The following KIF1C variants were observed in gnomAD, a reference collection of about 807,000 sequenced individuals.
KIF1C encodes kinesin-like protein KIF1C.
Under a neutral mutation model 126.5 loss-of-function variants are expected in KIF1C, and 61 were observed. The ratio of observed to expected loss-of-function variants is 0.48; its 90% CI spans 0.39 to 0.60. The LOEUF (loss-of-function observed/expected upper bound fraction) is 0.60. KIF1C is among the 20% of genes least tolerant of loss of function. The pLI is 0.00. For synonymous variants in KIF1C, 640 were observed against 580.6 expected, an observed-to-expected ratio of 1.10 and a Z score of -1.47; for missense variants, 1,315 against 1,489.2, an observed-to-expected ratio of 0.88 and a Z score of 1.93.
chr17:5,002,959 T>G (rs1310254211), intron 8 of KIF1C, 117 bp downstream of exon 8: 1 of 765,160 alleles, frequency 1.3e-6, no homozygotes, highest in African/African-American at 1.7e-5. Context: ...GAGTGCCTCC[T>G]CAGGACTACC....
intron 16 of KIF1C, among the ~76,000 whole-genome samples, chr17:5,010,705 C>T (rs184220737): frequency 0.015 from 2,206 of 151,394 alleles, 44 homozygotes; most frequent in East Asian, 0.049. Flanking sequence ...CGAGATCATG[C>T]CACTGCACTC....
intron 4 of KIF1C, among the ~76,000 whole-genome samples, 168 bp from the exon 5 acceptor site, chr17:5,001,054 A>G (rs754102479): frequency 2.6e-5 from 4 of 152,022 alleles, no homozygotes; most frequent in Admixed American, 6.6e-5. Context: ...TAGGACTAGC[A>G]GGGGCTGGAT....
rs932121492 is a variant in KIF1C at position 5,020,828 on chromosome 17, T to C, written c.1960T>C (p.Tyr654His). 1.3e-6 allele frequency: 2 copies of C among 1,593,232 alleles called. No individual in the cohort carries two copies. The highest frequency in any genetic ancestry group is 1.7e-6 in the Non-Finnish European group (2 of 1,169,654). Residue 654 changes from tyrosine to histidine, a missense_variant, in exon 21 of 23, where the codon TAC becomes CAC. Tyr to His is a moderately conservative substitution (Grantham distance 83, BLOSUM62 2). Transcript: ENST00000320785. The surrounding 1 kb of genome is among the most constrained non-coding windows in gnomAD (Gnocchi z 5.8). ...CAGGCTGCAGGATCTGGAGAATCAG[T>C]ACCGGAAAGAAAAGGAAGAAGCCGA... ...EKRLQDLENQ[Y>H]RKEKEEADLL...
chr17:5,022,823 G>C lies in KIF1C; in HGVS notation c.2628+114G>C. On this transcript the variant is annotated intron_variant, in intron 22 of 22. Coordinates refer to ENST00000320785, the MANE Select transcript of KIF1C (RefSeq NM_006612.6). This position sits in a 1 kb window ranked among gnomAD's most constrained non-coding sequence, Gnocchi z 4.9. ...CAAGTCTGGAAAAAATTGCATTGAA[G>C]TATAGTACGTTTTTTTCAATATTGT... is the stretch of plus-strand genomic sequence containing the variant. 2 of 1,344,502 alleles carry C rather than the reference G, an allele frequency of 1.5e-6. No homozygotes were observed. Among genetic ancestry groups the C allele is most frequent in the Non-Finnish European group, 1.9e-6 (2 of 1,040,184 alleles). The allele number at this position is 1,344,502 out of a possible 1,614,324, so 83.3% of individuals were successfully genotyped here. A position where few individuals can be genotyped will look rare whatever the true frequency, so the allele number is the denominator to read the frequency against.
intron 21 of KIF1C, among the ~76,000 whole-genome samples, chr17:5,021,543 G>C (rs1015999851): frequency 4.6e-5 from 7 of 151,886 alleles, no homozygotes; most frequent in African/African-American, 1.7e-4. Context: ...GCAGTGGCCT[G>C]ATCATAGCTC....
intron 8 of KIF1C, among the ~76,000 whole-genome samples, 200 bp from the exon 9 acceptor site, chr17:5,003,412 C>T (rs1974651209): frequency 6.6e-6 from 1 of 152,094 alleles, no homozygotes; most frequent in African/African-American, 2.4e-5. Context: ...CTGCGGTGGG[C>T]CTGTAGCTAT....
chr17:5,005,969 G>A (rs575153954), intron 13 of KIF1C, among the ~76,000 whole-genome samples: 4 of 151,926 alleles, frequency 2.6e-5, no homozygotes, highest in Non-Finnish European at 4.4e-5. Flanking sequence ...CATTTGGGGA[G>A]GCCAAGGCAG....
intron 16 of KIF1C, among the ~76,000 whole-genome samples, chr17:5,010,884 C>T (rs2143344326): frequency 6.6e-6 from 1 of 151,180 alleles, no homozygotes; most frequent in South Asian, 2.1e-4. Flanking sequence ...AATCTCGGCC[C>T]ACTGCAAGCT....
At chr17:5,004,154 A>G (rs181385721) in intron 11 of KIF1C, 81 bp downstream of exon 11, 10 of 1,022,936 alleles carry the variant, frequency 9.8e-6, no homozygotes, top group East Asian at 7.1e-5. Context: ...TCCCCTTGCT[A>G]TGCCGAGAAT....
intron 18 of KIF1C, among the ~76,000 whole-genome samples, chr17:5,015,710 G>T (rs1267018520): frequency 1.4e-5 from 2 of 146,510 alleles, no homozygotes; most frequent in East Asian, 4.1e-4. Flanking sequence ...TGATTCTCTT[G>T]CCTCAACCCC....
At chr17:5,021,652 T>C (rs117100864) in intron 21 of KIF1C, among the ~76,000 whole-genome samples, 3,317 of 152,136 alleles carry the variant, frequency 0.022, 58 homozygotes, top group Non-Finnish European at 0.035. Context: ...GGCTACATTT[T>C]TTATTTTTTG....
At chr17:5,006,779 G>A in intron 13 of KIF1C, 136 bp from the exon 14 acceptor site, 2 of 863,176 alleles carry the variant, frequency 2.3e-6, no homozygotes, top group Non-Finnish European at 3.6e-6. Context: ...AGGGCTCCTT[G>A]CCTGGTAGGA....
intron 16 of KIF1C, among the ~76,000 whole-genome samples, chr17:5,011,092 G>A (rs1304028621): frequency 6.6e-6 from 1 of 152,114 alleles, no homozygotes; most frequent in Non-Finnish European, 1.5e-5. Context: ...CTGTGTGATT[G>A]GTGAGAAGGT....
chr17:5,002,912 T>C (rs1459465711), intron 8 of KIF1C, 70 bp downstream of exon 8: 2 of 1,260,976 alleles, frequency 1.6e-6, no homozygotes, highest in African/African-American at 3.1e-5. Context: ...AGTGACATGG[T>C]AGAAGGGTCT....
intron 5 of KIF1C, 55 bp downstream of exon 5, chr17:5,001,456 T>A: frequency 6.5e-7 from 1 of 1,533,856 alleles, no homozygotes; most frequent in Non-Finnish European, 9.0e-7. Context: ...AGCTGCCCTC[T>A]GAGGAAGGAA....
rs888818616 is a variant in KIF1C at position 5,005,119 on chromosome 17, T to C, written c.1165+119T>C. 5.5e-6 allele frequency: 7 copies of C among 1,274,584 alleles called. No individual in the cohort carries two copies. In the Admixed American group the frequency reaches 1.4e-4, roughly 25 times the overall value. The allele number at this position is 1,274,584 out of a possible 1,614,324, so 79.0% of individuals were successfully genotyped here. ...ACCACACACTATGAAACCTTTCATG[T>C]GCTCAGTGACGTGGACACAGATGTG... is the stretch of plus-strand genomic sequence containing the variant. On this transcript the variant is annotated intron_variant, in intron 13 of 22. Coordinates refer to ENST00000320785, the MANE Select transcript of KIF1C (RefSeq NM_006612.6).
At chr17:5,018,680 C>G (rs1975029183) in intron 18 of KIF1C, among the ~76,000 whole-genome samples, 1 of 151,096 alleles carries the variant, frequency 6.6e-6, no homozygotes, top group African/African-American at 2.4e-5. Flanking sequence ...GAGTTTCACT[C>G]CAACAAGAGT....
chr17:5,014,816 A>G lies in KIF1C; in HGVS notation c.1645A>G (p.Ile549Val), dbSNP rs2143358695. 1 of 1,597,764 alleles carries G rather than the reference A, an allele frequency of 6.3e-7. No individual in the cohort carries two copies. Among genetic ancestry groups the G allele is most frequent in the East Asian group, 2.2e-5 (1 of 44,484 alleles). Residue 549 changes from isoleucine to valine, a missense_variant, in exon 18 of 23, where the codon ATC becomes GTC. Physicochemically the swap from Ile to Val is conservative, Grantham distance 29. This residue lies in a region of KIF1C where 874 missense variants were observed against 1,053.2 expected (regional missense o/e 0.83). Transcript: ENST00000320785. Reference protein sequence around the residue: ...IREQHCLFRSIPQPDGEVVVT... With the variant: ...IREQHCLFRSVPQPDGEVVVT... ...GGAGCAACACTGTCTGTTCCGGAGC[A>G]TCCCCCAGCCAGATGGAGAAGGTAA... is the stretch of plus-strand genomic sequence containing the variant.
At chr17:5,014,703 T>G in intron 17 of KIF1C, 40 bp from the exon 18 acceptor site, 1 of 1,470,468 alleles carries the variant, frequency 6.8e-7, no homozygotes, top group Non-Finnish European at 9.3e-7. Context: ...TTGGTTAAAG[T>G]CTGGCACATG....
Sources: allele counts gnomAD v4.1 joint callset (sites outside exome capture counted in the v4.1 genomes callset), GRCh38; gene constraint gnomAD v4.1.1; regional missense constraint gnomAD v4.1.1; non-coding constraint Gnocchi (gnomAD v3.1); transcripts MANE v1.5; gene names NCBI Gene and HGNC (gene_info 2026-07-23, HGNC 2026-07-21).